TMED3: variants seen among roughly 807,000 people sequenced by gnomAD.
TMED3 encodes transmembrane p24 trafficking protein 3.
Under a neutral mutation model 15.0 loss-of-function variants are expected in TMED3, and 9 were observed. The ratio of observed to expected loss-of-function variants is 0.60; its 90% confidence interval spans 0.36 to 1.04. TMED3 has a LOEUF of 1.04. Among genes scored for constraint, TMED3 ranks in the 50% least tolerant of loss-of-function variants. TMED3 has a pLI of 0.01. For synonymous variants in TMED3, 117 were observed against 121.4 expected (o/e 0.96, Z 0.24); for missense variants, 267 against 278.9 (o/e 0.96, Z 0.30).
Position 79,370,543 on chromosome 15 carries a change from A to G in TMED3, c.418-40857A>G, listed in dbSNP as rs112993373. Among the ~76,000 whole-genome samples the G allele has an allele frequency of 8.3e-3, 1,266 of 152,016 alleles. 7 individuals carry two copies. The highest frequency in any genetic ancestry group is 0.029 in the African/African-American group (1,206 of 41,466). On this transcript the variant is annotated intron_variant, in intron 2 of 2. Coordinates refer to the TMED3 transcript ENST00000424155. ...CTTTTGCTCTTCCATCACTGCTAAC[A>G]CTCTGAAACACCTAGAGTGGTTTCT... is the stretch of plus-strand genomic sequence containing the variant.
At position 79,412,340 on chromosome 15, in the gene TMED3, C is replaced by T. The variant is rs1309063318; in HGVS notation, c.*836C>T. The T allele has an allele frequency of 2.0e-5, 3 of 152,654 alleles. No homozygotes were observed. In the East Asian group the frequency reaches 5.8e-4, roughly 30 times the overall value. The allele number at this position is 152,654 out of a possible 1,614,324, so 9.5% of individuals were successfully genotyped here. ...GCATGAGTGAACTCAGCCTCCTCCT[C>T]CCCACACCATGCCATCATTGCAGTC... On this transcript the variant is annotated 3_prime_UTR_variant, in exon 3 of 3. Transcript: ENST00000424155.
intron 2 of TMED3, among the ~76,000 whole-genome samples, chr15:79,382,667 T>C (rs1893555989): frequency 6.6e-6 from 1 of 152,136 alleles, no homozygotes; most frequent in Admixed American, 6.5e-5. Context: ...ACCTCTACCC[T>C]CTAAACTCCT....
chr15:79,377,644 C>CT (rs71150905), intron 2 of TMED3, among the ~76,000 whole-genome samples: 2,632 of 123,566 alleles, frequency 0.021, 72 homozygotes, highest in East Asian at 0.028. Context: ...ACAAACCGTT[C>CT]TTTTTTTTTT....
exon 3 of TMED3, chr15:79,412,080 C>G (rs1893991583): frequency 7.0e-6 from 1 of 142,840 alleles, no homozygotes; most frequent in African/African-American, 2.5e-5. Flanking sequence ...ACCATGTTTG[C>G]CAGTGCAGTA....
chr15:79,320,878 G>T (rs529554327), intron 2 of TMED3, among the ~76,000 whole-genome samples: 1 of 152,302 alleles, frequency 6.6e-6, no homozygotes, highest in East Asian at 1.9e-4. Context: ...GGCAGGTTGG[G>T]CTCCTACCTG....
rs532576162 is a variant in TMED3 at position 79,358,211 on chromosome 15, C to T, written c.417+44206C>T. Among the ~76,000 whole-genome samples the T allele has an allele frequency of 1.2e-3, 190 of 152,230 alleles. 1 individual carries two copies. Among genetic ancestry groups the T allele is most frequent in the African/African-American group, 4.5e-3 (185 of 41,526 alleles). ...AGCCAGGCTGGGAGGAGGCTGTGTC[C>T]GAGGAATTTTCTGGGGGCCTGCTGT... On this transcript the variant is annotated intron_variant, in intron 2 of 2. Coordinates refer to the TMED3 transcript ENST00000424155.
At chr15:79,334,619 A>G (rs2058820976) in intron 2 of TMED3, among the ~76,000 whole-genome samples, 1 of 152,200 alleles carries the variant, frequency 6.6e-6, no homozygotes. Flanking sequence ...CTCCCCACAC[A>G]GTGTGACTCT....
rs1050442211 is a variant in TMED3, at chr15:79,329,801, C to T, written c.417+15796C>T. On this transcript the variant is annotated intron_variant, in intron 2 of 2. Transcript: ENST00000424155. The stretch of plus-strand genomic sequence containing the variant: ...TCCACCCACTCCCCTTGGACCTCAG[C>T]ATGGGCTGGAACCTGACACTTGGTG... 1.3e-4 allele frequency among the ~76,000 whole-genome samples: 20 copies of T among 152,224 alleles called. 1 individual carries two copies. The highest frequency in any genetic ancestry group is 1.0e-3 in the Admixed American group (16 of 15,284).
chr15:79,359,230 GTTT>G (rs5813967), intron 2 of TMED3, among the ~76,000 whole-genome samples: 15,717 of 122,592 alleles, frequency 0.13, 1,073 homozygotes, highest in East Asian at 0.42. Flanking sequence ...AGAAGGCTCA[GTTT>G]TTTTTTTTTT....
intron 2 of TMED3, among the ~76,000 whole-genome samples, chr15:79,397,060 G>C (rs1016523370): frequency 2.0e-5 from 3 of 152,198 alleles, no homozygotes; most frequent in Non-Finnish European, 4.4e-5. Context: ...TTGAAAGCAG[G>C]AGTGTCAAAG....
At chr15:79,319,417 T>A (rs1387581140) in intron 2 of TMED3, among the ~76,000 whole-genome samples, 1 of 152,206 alleles carries the variant, frequency 6.6e-6, no homozygotes, top group Non-Finnish European at 1.5e-5. Context: ...ATGAGGCAAG[T>A]AAGGGTAACA....
At chr15:79,395,925 A>T (rs1893756896) in intron 2 of TMED3, among the ~76,000 whole-genome samples, 1 of 152,210 alleles carries the variant, frequency 6.6e-6, no homozygotes, top group South Asian at 2.1e-4. Flanking sequence ...TTTCATTTGG[A>T]TCAGTTGTTG....
At chr15:79,394,330 C>G (rs953179098) in intron 2 of TMED3, among the ~76,000 whole-genome samples, 1 of 152,194 alleles carries the variant, frequency 6.6e-6, no homozygotes, top group Non-Finnish European at 1.5e-5. Context: ...GCAGAACGCC[C>G]ACCATTCCCA....
chr15:79,337,012 A>G (rs2058829586), intron 2 of TMED3, among the ~76,000 whole-genome samples: 3 of 152,202 alleles, frequency 2.0e-5, no homozygotes, highest in Non-Finnish European at 1.5e-5. Flanking sequence ...AACAGGCCTC[A>G]CTACTACCAA....
At chr15:79,407,622 A>G (rs1415451947) in intron 2 of TMED3, among the ~76,000 whole-genome samples, 5 of 152,026 alleles carry the variant, frequency 3.3e-5, no homozygotes, top group African/African-American at 7.3e-5. Flanking sequence ...CTGGCCCACC[A>G]CCTGTTTTTC....
intron 2 of TMED3, among the ~76,000 whole-genome samples, chr15:79,381,411 C>G (rs148211097): frequency 6.6e-6 from 1 of 152,328 alleles, no homozygotes; most frequent in Non-Finnish European, 1.5e-5. Flanking sequence ...TCAGCATGAA[C>G]AGCTTGAGAG....
intron 2 of TMED3, among the ~76,000 whole-genome samples, chr15:79,370,125 C>T (rs1035267410): frequency 2.0e-5 from 3 of 152,068 alleles, no homozygotes; most frequent in Non-Finnish European, 4.4e-5. Context: ...GAGTCTCACT[C>T]TGTTGCCCAG....
At chr15:79,334,564 GT>G (rs1417382299) in intron 2 of TMED3, among the ~76,000 whole-genome samples, 2 of 152,202 alleles carry the variant, frequency 1.3e-5, no homozygotes, top group Non-Finnish European at 2.9e-5. Context: ...GAGAAAGGAT[GT>G]GGAGAAGGCA....
At chr15:79,385,065 C>CT (rs1202744147) in intron 2 of TMED3, among the ~76,000 whole-genome samples, 1 of 152,178 alleles carries the variant, frequency 6.6e-6, no homozygotes, top group African/African-American at 2.4e-5. Flanking sequence ...GGGAGTGACA[C>CT]AGAGCTAAGG....
Sources: allele counts gnomAD v4.1 joint callset (sites outside exome capture counted in the v4.1 genomes callset), GRCh38; gene constraint gnomAD v4.1.1; transcripts MANE v1.5; gene names NCBI Gene and HGNC (gene_info 2026-07-23, HGNC 2026-07-21).